GPC5: variants seen among roughly 807,000 people sequenced by gnomAD.
GPC5 encodes glypican-5.
In GPC5, 47 loss-of-function variants were observed where a neutral mutation model predicts 53.9. That is an observed-to-expected ratio of 0.87 (90% CI 0.69 to 1.11). GPC5 has a LOEUF of 1.11. GPC5 is among the 50% of genes most tolerant of loss of function. The pLI, the probability that GPC5 is intolerant of heterozygous loss-of-function variation, is 0.00. For synonymous variants in GPC5, 286 were observed against 263.3 expected (o/e 1.09, Z -0.84); for missense variants, 748 against 713.1 (o/e 1.05, Z -0.56).
chr13:92,626,186 A>G (rs1208240477), intron 7 of GPC5, among the ~76,000 whole-genome samples: 2 of 152,358 alleles, frequency 1.3e-5, no homozygotes, highest in Middle Eastern at 3.4e-3. Context: ...TAATTTAAAG[A>G]GAACAAATGC....
At chr13:92,495,621 G>A (rs7991313) in intron 7 of GPC5, among the ~76,000 whole-genome samples, 1,203 of 103,850 alleles carry the variant, frequency 0.012, 15 homozygotes, top group African/African-American at 0.043. Flanking sequence ...AATCTTTAAG[G>A]AGACTTTTTT....
chr13:91,632,800 G>A (rs1256330878), intron 2 of GPC5, among the ~76,000 whole-genome samples: 3 of 152,028 alleles, frequency 2.0e-5, no homozygotes, highest in Admixed American at 6.6e-5. Context: ...CCTGACACAG[G>A]GCTATGTCCT....
chr13:91,815,802 C>T lies in GPC5; in HGVS notation c.1280+59382C>T, dbSNP rs148909249. ...AGAATTCATTTTTTCTTGAGTTAGA[C>T]ATATTTTATTTTCCTGAAAGCAAAT... On this transcript the variant is annotated intron_variant, in intron 5 of 7. Coordinates refer to ENST00000377067, the MANE Select transcript of GPC5 (RefSeq NM_004466.6). Among the ~76,000 whole-genome samples the T allele has an allele frequency of 2.0e-5, 3 of 152,282 alleles. No homozygotes were observed. In the East Asian group the frequency reaches 5.8e-4, roughly 29 times the overall value.
chr13:91,442,894 C>T (rs1880535886), intron 1 of GPC5, among the ~76,000 whole-genome samples: 1 of 152,168 alleles, frequency 6.6e-6, no homozygotes, highest in African/African-American at 2.4e-5. Context: ...AAGGAGGCTT[C>T]TCCCATCTGC....
intron 2 of GPC5, among the ~76,000 whole-genome samples, chr13:91,513,163 CT>C (rs1203649972): frequency 6.6e-6 from 1 of 152,118 alleles, no homozygotes; most frequent in Non-Finnish European, 1.5e-5. Flanking sequence ...CTTCATTAAA[CT>C]CTTTATATTG....
chr13:91,628,046 G>T (rs1270683643), intron 2 of GPC5, among the ~76,000 whole-genome samples: 1 of 151,998 alleles, frequency 6.6e-6, no homozygotes, highest in Non-Finnish European at 1.5e-5. Flanking sequence ...TCAATTTTGT[G>T]TGTTTTTCTA....
At chr13:91,963,380 A>G (rs1301333114) in intron 6 of GPC5, among the ~76,000 whole-genome samples, 1 of 152,166 alleles carries the variant, frequency 6.6e-6, no homozygotes, top group East Asian at 1.9e-4. Context: ...AAATTTGCAC[A>G]TATTTCTACA....
At chr13:92,183,233 A>G (rs1397997300) in intron 7 of GPC5, among the ~76,000 whole-genome samples, 1 of 152,196 alleles carries the variant, frequency 6.6e-6, no homozygotes, top group African/African-American at 2.4e-5. Context: ...CTAGTTCAGT[A>G]TAATAACCAA....
intron 2 of GPC5, among the ~76,000 whole-genome samples, chr13:91,628,885 C>T (rs982888942): frequency 6.6e-6 from 1 of 152,110 alleles, no homozygotes; most frequent in Non-Finnish European, 1.5e-5. Context: ...TTCTAATAAG[C>T]AGCTAGTCCA....
intron 6 of GPC5, among the ~76,000 whole-genome samples, chr13:92,088,210 G>T (rs1384281289): frequency 6.6e-6 from 1 of 152,082 alleles, no homozygotes; most frequent in Non-Finnish European, 1.5e-5. Flanking sequence ...TACCGAAGCT[G>T]CTCTTCCATA....
At chr13:91,414,276 C>T (rs1380268960) in intron 1 of GPC5, among the ~76,000 whole-genome samples, 1 of 152,156 alleles carries the variant, frequency 6.6e-6, no homozygotes, top group East Asian at 1.9e-4. Flanking sequence ...GGGCTTTTTC[C>T]CCTTTGCGCG....
chr13:91,551,206 G>A (rs2030616482), intron 2 of GPC5, among the ~76,000 whole-genome samples: 1 of 151,996 alleles, frequency 6.6e-6, no homozygotes, highest in African/African-American at 2.4e-5. Flanking sequence ...AAAATAAGTA[G>A]CTATAAATTC....
At chr13:91,527,194 C>G (rs1886125962) in intron 2 of GPC5, among the ~76,000 whole-genome samples, 1 of 152,190 alleles carries the variant, frequency 6.6e-6, no homozygotes, top group Non-Finnish European at 1.5e-5. Context: ...TTAGACAAAA[C>G]AACTCCCTTC....
intron 1 of GPC5, among the ~76,000 whole-genome samples, chr13:91,447,535 T>A (rs1438218023): frequency 6.6e-6 from 1 of 152,206 alleles, no homozygotes; most frequent in Non-Finnish European, 1.5e-5. Flanking sequence ...CGTTAGAGAT[T>A]TTGGTGTCCC....
At chr13:92,078,300 A>G (rs1293793817) in intron 6 of GPC5, among the ~76,000 whole-genome samples, 3 of 152,180 alleles carry the variant, frequency 2.0e-5, no homozygotes, top group African/African-American at 7.2e-5. Flanking sequence ...CTTTATTCTG[A>G]GCGCCATTTT....
At chr13:91,759,106 C>T (rs1037636907) in intron 5 of GPC5, among the ~76,000 whole-genome samples, 5 of 152,062 alleles carry the variant, frequency 3.3e-5, no homozygotes, top group African/African-American at 1.2e-4. Flanking sequence ...ACTTTTAATG[C>T]CCCAAGTAAG....
chr13:92,015,869 A>G (rs1242640454), intron 6 of GPC5, among the ~76,000 whole-genome samples: 1 of 152,238 alleles, frequency 6.6e-6, no homozygotes, highest in Non-Finnish European at 1.5e-5. Flanking sequence ...ACCTCACTGA[A>G]CATCTCTTTT....
chr13:91,879,000 GTCTC>G (rs1341161192), intron 5 of GPC5, among the ~76,000 whole-genome samples: 1 of 151,954 alleles, frequency 6.6e-6, no homozygotes, highest in African/African-American at 2.4e-5. Flanking sequence ...CAGAAGATTT[GTCTC>G]TCTCTAATTC....
At chr13:92,788,214 G>T (rs1283862414) in intron 7 of GPC5, among the ~76,000 whole-genome samples, 8 of 151,792 alleles carry the variant, frequency 5.3e-5, no homozygotes, top group Admixed American at 5.3e-4. Context: ...CAAGAAATAG[G>T]AACATGTCCA....
Sources: allele counts gnomAD v4.1 joint callset (sites outside exome capture counted in the v4.1 genomes callset), GRCh38; gene constraint gnomAD v4.1.1; transcripts MANE v1.5; gene names NCBI Gene and HGNC (gene_info 2026-07-23, HGNC 2026-07-21).